The following KDM1B variants were observed in gnomAD, a reference collection of about 807,000 sequenced individuals.
KDM1B encodes lysine demethylase 1B.
Under a neutral mutation model 107.4 loss-of-function variants are expected in KDM1B, and 63 were observed. The observed-to-expected ratio is 0.59, with a 90% CI of 0.48 to 0.72. KDM1B has a LOEUF of 0.72. Ranked by LOEUF, KDM1B falls within the 30% of genes least tolerant of loss-of-function variation. The pLI, the probability that KDM1B is intolerant of heterozygous loss-of-function variation, is 0.00. For missense variants in KDM1B, 749 were observed against 1,020.8 expected (o/e 0.73, Z 3.63); for synonymous variants, 363 against 363.9 (o/e 1.00, Z 0.03).
chr6:18,220,464 T>G (rs544908275), intron 21 of KDM1B, among the ~76,000 whole-genome samples: 2 of 152,246 alleles, frequency 1.3e-5, no homozygotes, highest in Admixed American at 6.5e-5. Context: ...TAGAATCGCT[T>G]GAACCTGGGA....
At chr6:18,174,408 A>T (rs1561915970) in intron 7 of KDM1B, among the ~76,000 whole-genome samples, 1 of 152,112 alleles carries the variant, frequency 6.6e-6, no homozygotes, top group African/African-American at 2.4e-5. Flanking sequence ...TCAGTCCTCT[A>T]AGGGGTTGGT....
chr6:18,165,553 T>C (rs1351862177), intron 5 of KDM1B, among the ~76,000 whole-genome samples: 1 of 152,214 alleles, frequency 6.6e-6, no homozygotes, highest in Non-Finnish European at 1.5e-5. Flanking sequence ...CTAGGTGCAG[T>C]GGCTCACGCC....
At chr6:18,173,008 T>G (rs184586770) in intron 7 of KDM1B, among the ~76,000 whole-genome samples, 2 of 151,564 alleles carry the variant, frequency 1.3e-5, no homozygotes, top group Admixed American at 1.3e-4. Flanking sequence ...GAGAATCACT[T>G]GAACCCGGGA....
At position 18,162,178 on chromosome 6, in the gene KDM1B, G is replaced by T. The variant is rs756169121; in HGVS notation, c.216-657G>T. Reference sequence around the variant, plus strand: ...TCTACTAAAAATACACAAATTAGCTGGGCACGGTGGCAGAAGCCTGTAATC... The same window carrying T: ...TCTACTAAAAATACACAAATTAGCTTGGCACGGTGGCAGAAGCCTGTAATC... On this transcript the variant is annotated intron_variant, in intron 4 of 21. Transcript: ENST00000650836. The surrounding 1 kb of genome is among the most constrained non-coding windows in gnomAD (Gnocchi z 4.1). 1.3e-5 allele frequency among the ~76,000 whole-genome samples: 2 copies of T among 151,970 alleles called. No homozygotes were observed. Among genetic ancestry groups the T allele is most frequent in the African/African-American group, 2.4e-5 (1 of 41,370 alleles).
rs35989887 is a variant in KDM1B at position 18,163,146 on chromosome 6, CTT to C, written c.305+237_305+238del. Among the ~76,000 whole-genome samples the C allele has an allele frequency of 1.3e-3, 182 of 139,570 alleles. 1 individual carries two copies. Among genetic ancestry groups the C allele is most frequent in the Middle Eastern group, 3.7e-3 (1 of 272 alleles). The allele number at this position is 139,570 out of a possible 152,430, so 91.6% of individuals were successfully genotyped here. ...AGGGATCAAAAAATATCTGCCATTTCTTTTTTTTTTTTTTTTGAGGCAAGAGT... is the reference window on the plus strand; with the variant it reads ...AGGGATCAAAAAATATCTGCCATTTCTTTTTTTTTTTTTTGAGGCAAGAGT... On this transcript the variant is annotated intron_variant, in intron 5 of 21. Transcript: ENST00000650836.
intron 7 of KDM1B, among the ~76,000 whole-genome samples, chr6:18,183,868 T>TA (rs1020544356): frequency 3.2e-4 from 47 of 147,108 alleles, no homozygotes; most frequent in Non-Finnish European, 2.9e-4. Context: ...TTTTGGCTGT[T>TA]ACATACAAAT....
At position 18,195,181 on chromosome 6, in the gene KDM1B, C is replaced by T. The variant is rs76092444; in HGVS notation, c.970-1876C>T. 3.3e-4 allele frequency among the ~76,000 whole-genome samples: 50 copies of T among 152,256 alleles called. No individual in the cohort carries two copies. The East Asian group carries it at 8.3e-3, about 25-fold the overall frequency. The stretch of plus-strand genomic sequence containing the variant: ...TCATATCACATTTTGTTTGTCCATT[C>T]GTCCACTGATGGGCTTTGAATTGTT... On this transcript the variant is annotated intron_variant, in intron 10 of 21. Coordinates refer to ENST00000650836, the MANE Select transcript of KDM1B (RefSeq NM_001364614.2).
Position 18,211,492 on chromosome 6 carries a change from A to G in KDM1B, c.1867-996A>G, listed in dbSNP as rs1165259951. The G allele has an allele frequency of 1.3e-5, 2 of 152,246 alleles. No individual in the cohort carries two copies. Among genetic ancestry groups the G allele is most frequent in the Non-Finnish European group, 2.9e-5 (2 of 68,058 alleles). The allele number at this position is 152,246 out of a possible 1,614,324, so 9.4% of individuals were successfully genotyped here. A position where few individuals can be genotyped will look rare whatever the true frequency, so the allele number is the denominator to read the frequency against. ...TCTGCTGCCTCTGTTGAGAGCACAC[A>G]ATGCTGGAGGTGTTTGGTTCTTCTG... On this transcript the variant is annotated intron_variant, in intron 17 of 21. Coordinates refer to ENST00000650836, the MANE Select transcript of KDM1B (RefSeq NM_001364614.2). The surrounding 1 kb of genome is among the most constrained non-coding windows in gnomAD (Gnocchi z 5.2).
At chr6:18,187,745 T>G (rs1786971560) in intron 8 of KDM1B, 47 bp from the exon 9 acceptor site, 3 of 1,294,846 alleles carry the variant, frequency 2.3e-6, no homozygotes, top group Middle Eastern at 3.6e-4. Flanking sequence ...TGCATGTACA[T>G]TTCTTGTCTG....
In KDM1B at chr6:18,217,378, CTT is replaced by C. The variant is rs11343407; in HGVS notation, c.2233-338_2233-337del. 1.6e-3 allele frequency among the ~76,000 whole-genome samples: 203 copies of C among 126,964 alleles called. 1 individual carries two copies. Among genetic ancestry groups the C allele is most frequent in the African/African-American group, 3.0e-3 (96 of 32,476 alleles). The allele number at this position is 126,964 out of a possible 152,430, so 83.3% of individuals were successfully genotyped here. The stretch of plus-strand genomic sequence containing the variant: ...GGGTTGTACCATGTCTATCTCCCTT[CTT>C]TTTTTTTTTTTTTTTTGAGATGGAG... On this transcript the variant is annotated intron_variant, in intron 20 of 21. Coordinates refer to ENST00000650836, the MANE Select transcript of KDM1B (RefSeq NM_001364614.2).
intron 10 of KDM1B, among the ~76,000 whole-genome samples, chr6:18,192,901 T>C (rs1787373737): frequency 6.6e-6 from 1 of 152,000 alleles, no homozygotes; most frequent in African/African-American, 2.4e-5. Context: ...TACAATTTAT[T>C]GTGTATACCG....
At position 18,172,747 on chromosome 6, in the gene KDM1B, A is replaced by G. The variant is rs1049004001; in HGVS notation, c.534+1268A>G. The stretch of plus-strand genomic sequence containing the variant: ...TATTTCATTATATTTATAATAAACT[A>G]TATAGTTTATTTTCTGTGCCTGGCC... On this transcript the variant is annotated intron_variant, in intron 7 of 21. Transcript: ENST00000650836. The surrounding 1 kb of genome is among the most constrained non-coding windows in gnomAD (Gnocchi z 5.2). Among the ~76,000 whole-genome samples the G allele has an allele frequency of 6.6e-6, 1 of 152,072 alleles. No individual in the cohort carries two copies. Among genetic ancestry groups the G allele is most frequent in the Non-Finnish European group, 1.5e-5 (1 of 68,020 alleles).
At chr6:18,195,921 G>T in intron 10 of KDM1B, among the ~76,000 whole-genome samples, 1 of 151,864 alleles carries the variant, frequency 6.6e-6, no homozygotes, top group East Asian at 1.9e-4. Flanking sequence ...TTGTAAAATG[G>T]ATCTCCTGAA....
chr6:18,166,949 T>C (rs979197163), intron 6 of KDM1B, among the ~76,000 whole-genome samples: 6 of 152,164 alleles, frequency 3.9e-5, no homozygotes, highest in African/African-American at 1.4e-4. Flanking sequence ...TTTTTGATCC[T>C]TTTTTTCTTT....
At chr6:18,158,469 G>A (rs1246653664) in intron 2 of KDM1B, among the ~76,000 whole-genome samples, 1 of 152,022 alleles carries the variant, frequency 6.6e-6, no homozygotes, top group East Asian at 1.9e-4. Flanking sequence ...TGTTAATACA[G>A]CTCACAAATA....
chr6:18,175,641 A>C (rs995603133), intron 7 of KDM1B, among the ~76,000 whole-genome samples: 2 of 151,912 alleles, frequency 1.3e-5, no homozygotes, highest in Non-Finnish European at 2.9e-5. Flanking sequence ...TCTTGAGTTG[A>C]TTTTTGTGTG....
In KDM1B at chr6:18,210,342, C is replaced by CTTT. The variant is rs533016543; in HGVS notation, c.1867-2118_1867-2116dup. On this transcript the variant is annotated intron_variant, in intron 17 of 21. Transcript: ENST00000650836. ...TCTTTCTTTTTTTTCTCTTTCTTTT[C>CTTT]TTTTTTTTTTTTTTTTTTTTTTTTT... Among the ~76,000 whole-genome samples, 488 of 69,468 alleles carry CTTT rather than the reference C, an allele frequency of 7.0e-3. 6 individuals are homozygous for CTTT. Among genetic ancestry groups the CTTT allele is most frequent in the Middle Eastern group, 9.6e-3 (1 of 104 alleles). 45.6% of individuals were successfully genotyped at this position (69,468 alleles called of 152,430 possible).
intron 6 of KDM1B, among the ~76,000 whole-genome samples, chr6:18,168,472 T>C (rs1028252487): frequency 6.6e-6 from 1 of 152,224 alleles, no homozygotes; most frequent in Non-Finnish European, 1.5e-5. Flanking sequence ...TAATACTCCA[T>C]TGAATGGATA....
chr6:18,171,706 G>A (rs995066750), intron 7 of KDM1B, among the ~76,000 whole-genome samples: 2 of 152,152 alleles, frequency 1.3e-5, no homozygotes, highest in East Asian at 1.9e-4. Context: ...GCTGTCCAGG[G>A]TTGGTTTTGT....
Sources: allele counts gnomAD v4.1 joint callset (sites outside exome capture counted in the v4.1 genomes callset), GRCh38; gene constraint gnomAD v4.1.1; non-coding constraint Gnocchi (gnomAD v3.1); transcripts MANE v1.5; gene names NCBI Gene and HGNC (gene_info 2026-07-23, HGNC 2026-07-21).